NUDT12: variants seen among roughly 807,000 people sequenced by gnomAD.
The protein encoded by NUDT12 is NAD-capped RNA hydrolase NUDT12.
In NUDT12, 42 loss-of-function variants were observed where a neutral mutation model predicts 45.7. That is an observed-to-expected ratio of 0.92 (90% CI 0.72 to 1.19). The LOEUF is 1.19. NUDT12 is among the 50% of genes most tolerant of loss of function. The pLI is 0.00. For missense variants in NUDT12, 590 were observed against 533.1 expected, an observed-to-expected ratio of 1.11 and a Z score of -1.05; for synonymous variants, 206 against 179.7, an observed-to-expected ratio of 1.15 and a Z score of -1.17.
At chr5:103,555,540 G>C (rs1194927301) in intron 4 of NUDT12, among the ~76,000 whole-genome samples, 4 of 151,988 alleles carry the variant, frequency 2.6e-5, no homozygotes, top group Non-Finnish European at 5.9e-5. Context: ...CAGACTCAAG[G>C]CAGCAATTAG....
At chr5:103,553,617 T>C (rs1233618973) in intron 5 of NUDT12, among the ~76,000 whole-genome samples, 1 of 152,098 alleles carries the variant, frequency 6.6e-6, no homozygotes, top group Non-Finnish European at 1.5e-5. Context: ...GTCGTACTAC[T>C]CTATGTATAT....
At position 103,548,912 on chromosome 5, in the gene NUDT12, C is replaced by T. The variant is rs966706443; in HGVS notation, c.*1949G>A. 2.6e-5 allele frequency: 4 copies of T among 152,080 alleles called. No individual in the cohort carries two copies. The highest frequency in any genetic ancestry group is 9.7e-5 in the African/African-American group (4 of 41,428). The allele number at this position is 152,080 out of a possible 1,614,324, so 9.4% of individuals were successfully genotyped here. A position where few individuals can be genotyped will look rare whatever the true frequency, so the allele number is the denominator to read the frequency against. On this transcript the variant is annotated 3_prime_UTR_variant, in exon 7 of 7. Coordinates refer to ENST00000230792, the MANE Select transcript of NUDT12 (RefSeq NM_031438.4). Reference sequence around the variant, plus strand: ...CATTTCCAGTAGAATACATTCACGGCACTATCACATCTACTATTCTTTTGA... The same window carrying T: ...CATTTCCAGTAGAATACATTCACGGTACTATCACATCTACTATTCTTTTGA...
intron 4 of NUDT12, among the ~76,000 whole-genome samples, chr5:103,555,656 T>C (rs1748790616): frequency 1.3e-5 from 2 of 152,050 alleles, no homozygotes; most frequent in African/African-American, 4.8e-5. Context: ...GTGGGGCTTT[T>C]TCTCCACTAA....
chr5:103,557,078 T>C (rs905758513), intron 3 of NUDT12, among the ~76,000 whole-genome samples: 3 of 151,668 alleles, frequency 2.0e-5, no homozygotes, highest in African/African-American at 7.3e-5. Flanking sequence ...CAAGGAATTT[T>C]ATATAGATTA....
Position 103,548,861 on chromosome 5 carries a change from T to C in NUDT12, c.*2000A>G, listed in dbSNP as rs1748563392. ...ACACACACACAAAACAAAATAGATT[T>C]TAAAAATTTAATGTATTATTACATT... On this transcript the variant is annotated 3_prime_UTR_variant, in exon 7 of 7. Coordinates refer to ENST00000230792, the MANE Select transcript of NUDT12 (RefSeq NM_031438.4). 1 of 152,170 alleles carries C rather than the reference T, an allele frequency of 6.6e-6. No homozygotes were observed. The highest frequency in any genetic ancestry group is 2.1e-4 in the South Asian group (1 of 4,834). 9.4% of individuals were successfully genotyped at this position (152,170 alleles called of 1,614,324 possible). A position where few individuals can be genotyped will look rare whatever the true frequency, so the allele number is the denominator to read the frequency against.
chr5:103,557,442 G>A (rs978904013), intron 3 of NUDT12, among the ~76,000 whole-genome samples: 1 of 151,452 alleles, frequency 6.6e-6, no homozygotes, highest in Non-Finnish European at 1.5e-5. Flanking sequence ...AAGGGAAGGT[G>A]GTCACTGACA....
Position 103,560,173 on chromosome 5 carries a change from CA to C in NUDT12, c.75del (p.Ile25MetfsTer4), listed in dbSNP as rs1205031269. 1 of 1,613,698 alleles carries C rather than the reference CA, an allele frequency of 6.2e-7. No homozygotes were observed. Among genetic ancestry groups the C allele is most frequent in the Admixed American group, 1.7e-5 (1 of 60,006 alleles). Reference sequence around the variant, plus strand: ...TGACTGAGTATTCCTGTTAACTTGGCAATATCTCCTTCAGCAGCTGAACAGT... The same window carrying C: ...TGACTGAGTATTCCTGTTAACTTGGCATATCTCCTTCAGCAGCTGAACAGT... Reference protein sequence around the residue: ...QFHCSAAEGDIAKLTGILSHS... With the variant: ...QFHCSAAEGDXAKLTGILSHS... On this transcript the variant is annotated frameshift_variant, in exon 2 of 7. Transcript: ENST00000230792. LOFTEE classifies it high-confidence loss of function.
chr5:103,557,289 A>G (rs949337125), intron 3 of NUDT12, among the ~76,000 whole-genome samples: 67 of 144,710 alleles, frequency 4.6e-4, no homozygotes, highest in East Asian at 3.2e-3. Flanking sequence ...TGATATATAT[A>G]TATATATATA....
At position 103,549,948 on chromosome 5, in the gene NUDT12, T is replaced by A. The variant is rs1748600286; in HGVS notation, c.*913A>T. The stretch of plus-strand genomic sequence containing the variant: ...ATAGTATTGGTAATGATTATACAAT[T>A]TTTTGTTAACACAGATACATCACTC... On this transcript the variant is annotated 3_prime_UTR_variant, in exon 7 of 7. Transcript: ENST00000230792. The A allele has an allele frequency of 6.6e-6, 1 of 152,148 alleles. No homozygotes were observed. Among genetic ancestry groups the A allele is most frequent in the Non-Finnish European group, 1.5e-5 (1 of 68,014 alleles). The allele number at this position is 152,148 out of a possible 1,614,324, so 9.4% of individuals were successfully genotyped here. A position where few individuals can be genotyped will look rare whatever the true frequency, so the allele number is the denominator to read the frequency against.
intron 3 of NUDT12, among the ~76,000 whole-genome samples, chr5:103,556,439 C>T (rs1302541678): frequency 2.0e-5 from 3 of 151,856 alleles, no homozygotes; most frequent in Non-Finnish European, 2.9e-5. Context: ...AGTGATTTTA[C>T]AATAGTGATT....
rs753977386 is a variant in NUDT12 at position 103,559,394 on chromosome 5, A to G, written c.281T>C (p.Ile94Thr). Residue 94 changes from isoleucine (I) to threonine (T), a missense_variant, in exon 3 of 7, where the codon ATA becomes ACA. Physicochemically the swap from Ile to Thr is moderately conservative, Grantham distance 89. Coordinates refer to ENST00000230792, the MANE Select transcript of NUDT12 (RefSeq NM_031438.4). Reference sequence around the variant, plus strand: ...TTTAGCAGTAGCTAGTAAATTAGCTATATGCTTATAACCCCAAAATACAGC... The same window carrying G: ...TTTAGCAGTAGCTAGTAAATTAGCTGTATGCTTATAACCCCAAAATACAGC... Reference protein sequence around the residue: ...DIAVFWGYKHIANLLATAKGG... With the variant: ...DIAVFWGYKHTANLLATAKGG... 1 of 1,612,564 alleles carries G rather than the reference A, an allele frequency of 6.2e-7. No individual in the cohort carries two copies. The highest frequency in any genetic ancestry group is 8.5e-7 in the Non-Finnish European group (1 of 1,179,332).
chr5:103,557,280 G>GGCATATATATATATATATATAT (rs1491335747), intron 3 of NUDT12, among the ~76,000 whole-genome samples: 1 of 118,894 alleles, frequency 8.4e-6, no homozygotes, highest in Admixed American at 8.3e-5. Flanking sequence ...ATCTTAAAAT[G>GGCATATATATATATATATATAT]ATATATATAT....
intron 1 of NUDT12, among the ~76,000 whole-genome samples, chr5:103,561,060 CTTTT>C (rs75956704): frequency 7.5e-6 from 1 of 133,392 alleles, no homozygotes. Flanking sequence ...CTTTTTTTGT[CTTTT>C]TTTTTTTTTG....
intron 3 of NUDT12, among the ~76,000 whole-genome samples, chr5:103,557,826 T>TGGAA (rs1748876959): frequency 1.3e-5 from 2 of 151,954 alleles, no homozygotes; most frequent in Non-Finnish European, 2.9e-5. Flanking sequence ...TTGCTTCCTC[T>TGGAA]CAACTCTCCA....
At chr5:103,553,165 T>A (rs1748709831) in intron 5 of NUDT12, among the ~76,000 whole-genome samples, 1 of 151,928 alleles carries the variant, frequency 6.6e-6, no homozygotes, top group Admixed American at 6.6e-5. Context: ...TACATGAAAA[T>A]TAACTTATAA....
chr5:103,559,560 T>A, intron 2 of NUDT12, 92 bp from the exon 3 acceptor site: 1 of 616,288 alleles, frequency 1.6e-6, no homozygotes, highest in Non-Finnish European at 2.5e-6. Flanking sequence ...TCCAGATACA[T>A]ATTAAAGTCC....
At chr5:103,556,968 G>GT (rs1748843267) in intron 3 of NUDT12, among the ~76,000 whole-genome samples, 1 of 151,886 alleles carries the variant, frequency 6.6e-6, no homozygotes, top group African/African-American at 2.4e-5. Context: ...ACGTAACCTT[G>GT]TAATATGTAA....
intron 2 of NUDT12, 140 bp downstream of exon 2, chr5:103,559,903 A>T (rs1258975784): frequency 2.0e-5 from 12 of 592,560 alleles, no homozygotes; most frequent in Non-Finnish European, 3.5e-5. Flanking sequence ...AAATTGTGCT[A>T]CATTTTTACA....
intron 3 of NUDT12, among the ~76,000 whole-genome samples, chr5:103,558,018 A>AT (rs1339715366): frequency 2.6e-5 from 4 of 151,922 alleles, no homozygotes; most frequent in Admixed American, 6.6e-5. Flanking sequence ...ATCATCCTAT[A>AT]TTATTGAGAA....
Sources: gnomAD v4.1 joint callset for allele counts (sites outside exome capture counted in the v4.1 genomes callset) on GRCh38, gnomAD v4.1.1 for gene constraint, MANE v1.5 for transcripts, NCBI Gene and HGNC (gene_info 2026-07-23, HGNC 2026-07-21) for gene names.